The following FABP7 variants were observed in gnomAD, a reference collection of about 807,000 sequenced individuals.
FABP7 encodes fatty acid-binding protein, brain.
In FABP7, 13 loss-of-function variants were observed where a neutral mutation model predicts 14.2. The observed-to-expected ratio is 0.91, with a 90% CI of 0.59 to 1.45. The LOEUF (loss-of-function observed/expected upper bound fraction) is 1.45, where lower values mean the gene tolerates loss of function less well. Ranked by LOEUF, FABP7 falls within the 40% of genes most tolerant of loss-of-function variation. The pLI, the probability that FABP7 is intolerant of heterozygous loss-of-function variation, is 0.00. For synonymous variants in FABP7, 49 were observed against 51.4 expected, an observed-to-expected ratio of 0.95 and a Z score of 0.20; for missense variants, 149 against 157.6, an observed-to-expected ratio of 0.95 and a Z score of 0.29.
chr6:122,766,647 T>TA, the FABP7 span, among the ~76,000 whole-genome samples: 1 of 152,072 alleles, frequency 6.6e-6, no homozygotes, highest in Non-Finnish European at 1.5e-5. Flanking sequence ...GTTTTACTAC[T>TA]AAAAAGTGAT....
the FABP7 span, among the ~76,000 whole-genome samples, chr6:122,772,939 C>A: frequency 6.6e-6 from 1 of 151,920 alleles, no homozygotes; most frequent in Non-Finnish European, 1.5e-5. Flanking sequence ...AATGTGTACA[C>A]ATGAACAGAC....
At chr6:122,752,993 A>T in the FABP7 span, among the ~76,000 whole-genome samples, 15 of 152,338 alleles carry the variant, frequency 9.8e-5, no homozygotes, top group African/African-American at 3.6e-4. Flanking sequence ...GCTAAAGACA[A>T]AATGCCATTT....
the FABP7 span, among the ~76,000 whole-genome samples, chr6:122,758,867 CT>C: frequency 5.3e-5 from 8 of 152,156 alleles, no homozygotes; most frequent in Admixed American, 3.9e-4. Context: ...GGTTGTCAAA[CT>C]TTTTTGATGG....
chr6:122,781,382 T>A lies in FABP7; in HGVS notation c.348+188T>A, dbSNP rs150950285. The A allele has an allele frequency of 4.1e-5, 59 of 1,447,652 alleles. No homozygotes were observed. In the African/African-American group the frequency reaches 7.3e-4, roughly 18 times the overall value. 89.7% of individuals were successfully genotyped at this position (1,447,652 alleles called of 1,614,324 possible). A position where few individuals can be genotyped will look rare whatever the true frequency, so the allele number is the denominator to read the frequency against. Reference sequence around the variant, plus strand: ...AACAAAAAGATCCCAGTTAATTTTCTTCTTCAGCTCAACTTCTTTGATTGT... The same window carrying A: ...AACAAAAAGATCCCAGTTAATTTTCATCTTCAGCTCAACTTCTTTGATTGT... On this transcript the variant is annotated intron_variant, in intron 3 of 3. Transcript: ENST00000368444.
the FABP7 span, among the ~76,000 whole-genome samples, chr6:122,770,502 G>T: frequency 6.6e-6 from 1 of 152,018 alleles, no homozygotes; most frequent in Non-Finnish European, 1.5e-5. Context: ...TAGCACTGAA[G>T]AAATATTAGA....
the FABP7 span, among the ~76,000 whole-genome samples, chr6:122,752,431 G>A: frequency 2.4e-4 from 36 of 152,282 alleles, no homozygotes; most frequent in African/African-American, 8.4e-4. Context: ...GGTTACATCT[G>A]CAATCTCTTT....
chr6:122,782,097 C>T (rs1052944158), intron 3 of FABP7: 3 of 985,264 alleles, frequency 3.0e-6, no homozygotes, highest in South Asian at 4.7e-5. Flanking sequence ...GTTTTTTTCT[C>T]GAATGCATAA....
At chr6:122,777,146 G>A (rs1417272956), upstream of FABP7, among the ~76,000 whole-genome samples, 3 of 152,140 alleles carry the variant, frequency 2.0e-5, no homozygotes, top group Non-Finnish European at 2.9e-5. Context: ...ACAATTTTAT[G>A]TTCTTAGAAT....
At chr6:122,749,824 A>G in the FABP7 span, among the ~76,000 whole-genome samples, 6 of 152,222 alleles carry the variant, frequency 3.9e-5, no homozygotes, top group East Asian at 3.8e-4. Flanking sequence ...CTTGTATTAT[A>G]AAAGATCATT....
the FABP7 span, among the ~76,000 whole-genome samples, chr6:122,755,811 G>C: frequency 1.8e-4 from 28 of 152,072 alleles, no homozygotes; most frequent in African/African-American, 6.7e-4. Context: ...GAGGTGCTGG[G>C]TCTGACCAGC....
At chr6:122,758,054 A>G in the FABP7 span, among the ~76,000 whole-genome samples, 2 of 150,020 alleles carry the variant, frequency 1.3e-5, no homozygotes, top group South Asian at 2.1e-4. Flanking sequence ...GCTTTACTTC[A>G]TTGCAATGCA....
At chr6:122,767,640 G>C in the FABP7 span, among the ~76,000 whole-genome samples, 1 of 151,930 alleles carries the variant, frequency 6.6e-6, no homozygotes, top group African/African-American at 2.4e-5. Flanking sequence ...GCCAGGCATA[G>C]TGGCTAATGC....
the FABP7 span, among the ~76,000 whole-genome samples, chr6:122,754,404 A>G: frequency 6.6e-6 from 1 of 152,248 alleles, no homozygotes; most frequent in South Asian, 2.1e-4. Context: ...AATGGAAGAA[A>G]TGTCTCCATG....
the FABP7 span, among the ~76,000 whole-genome samples, chr6:122,751,155 C>A: frequency 5.3e-5 from 8 of 152,206 alleles, no homozygotes; most frequent in Non-Finnish European, 1.0e-4. Context: ...ATTAGTTCCA[C>A]TTACTCTAAA....
In FABP7 at chr6:122,782,514, C is replaced by T. The variant is rs1780815541; in HGVS notation, c.349-1203C>T. ...ATAAAATAATTAACAAATAATTTAT[C>T]TAATGATGGAGTAGTATCACAAACT... On this transcript the variant is annotated intron_variant, in intron 3 of 3. Transcript: ENST00000368444. 6.1e-6 allele frequency: 6 copies of T among 980,790 alleles called. No individual in the cohort carries two copies. In the South Asian group the frequency reaches 2.8e-4, roughly 46 times the overall value. 60.8% of individuals were successfully genotyped at this position (980,790 alleles called of 1,614,324 possible).
the FABP7 span, among the ~76,000 whole-genome samples, chr6:122,758,324 T>C: frequency 6.6e-6 from 1 of 152,130 alleles, no homozygotes; most frequent in Non-Finnish European, 1.5e-5. Flanking sequence ...GCCAGGCTGC[T>C]CTTAAACTCC....
chr6:122,774,105 T>C, the FABP7 span, among the ~76,000 whole-genome samples: 2 of 152,076 alleles, frequency 1.3e-5, no homozygotes, highest in Non-Finnish European at 2.9e-5. Context: ...CTCACACCTA[T>C]AATCTCAGCA....
upstream of FABP7, among the ~76,000 whole-genome samples, chr6:122,779,081 G>T (rs1780719912): frequency 6.6e-6 from 1 of 152,032 alleles, no homozygotes; most frequent in Admixed American, 6.5e-5. Flanking sequence ...GTTGGGAAAG[G>T]ACCCAAATTA....
intron 3 of FABP7, chr6:122,782,075 T>G (rs2115146661): frequency 2.0e-5 from 20 of 985,450 alleles, no homozygotes; most frequent in Non-Finnish European, 2.4e-5. Context: ...ATTTTGATGT[T>G]ACTTCTTTCC....
Sources: gnomAD v4.1 joint callset for allele counts (sites outside exome capture counted in the v4.1 genomes callset) on GRCh38, gnomAD v4.1.1 for gene constraint, MANE v1.5 for transcripts, NCBI Gene and HGNC (gene_info 2026-07-23, HGNC 2026-07-21) for gene names.